TMEM138: variants seen among roughly 807,000 people sequenced by gnomAD.
TMEM138 encodes transmembrane protein 138.
A neutral mutation model predicts 18.1 loss-of-function variants in TMEM138; 9 were observed. The ratio of observed to expected loss-of-function variants is 0.50; its 90% CI spans 0.30 to 0.87. TMEM138 has a LOEUF of 0.87. Ranked by LOEUF, TMEM138 falls within the 40% of genes least tolerant of loss-of-function variation. The pLI is 0.06. For synonymous variants in TMEM138, 79 were observed against 74.8 expected, an observed-to-expected ratio of 1.06 and a Z score of -0.29; for missense variants, 189 against 190.6, an observed-to-expected ratio of 0.99 and a Z score of 0.05.
chr11:61,374,003 C>T (rs192773575), downstream of TMEM138, among the ~76,000 whole-genome samples: 245 of 151,958 alleles, frequency 1.6e-3, 1 homozygote, highest in South Asian at 5.0e-3. Flanking sequence ...CCAACACACC[C>T]GGCTAATTTT....
chr11:61,375,426 CAT>C (rs1858422967), downstream of TMEM138, among the ~76,000 whole-genome samples: 1 of 148,758 alleles, frequency 6.7e-6, no homozygotes, highest in African/African-American at 2.5e-5. Context: ...AGGTTCAAAC[CAT>C]TCTCCTGCCT....
rs1858056034 is a variant in TMEM138 at position 61,364,297 on chromosome 11, A to G, written c.-94A>G. 1.3e-6 allele frequency: 2 copies of G among 1,484,958 alleles called. No individual in the cohort carries two copies. Among genetic ancestry groups the G allele is most frequent in the East Asian group, 4.5e-5 (2 of 43,984 alleles). The allele number at this position is 1,484,958 out of a possible 1,614,324, so 92.0% of individuals were successfully genotyped here. On this transcript the variant is annotated 5_prime_UTR_variant, in exon 2 of 5. Coordinates refer to ENST00000278826, the MANE Select transcript of TMEM138 (RefSeq NM_016464.5). The stretch of plus-strand genomic sequence containing the variant: ...GAAACAGCTCTCATTCAAAGGAACT[A>G]GAAGCCTCTCCCTCAGTGGTAGGGA...
Sources: allele counts gnomAD v4.1 joint callset (sites outside exome capture counted in the v4.1 genomes callset), GRCh38; gene constraint gnomAD v4.1.1; transcripts MANE v1.5; gene names NCBI Gene and HGNC (gene_info 2026-07-23, HGNC 2026-07-21).